The following DYNC1LI1 variants were observed in gnomAD, a reference collection of about 807,000 sequenced individuals.
DYNC1LI1 encodes cytoplasmic dynein 1 light intermediate chain 1.
A neutral mutation model predicts 63.8 loss-of-function variants in DYNC1LI1; 19 were observed. That is an observed-to-expected ratio of 0.30 (90% confidence interval 0.21 to 0.44). The LOEUF is 0.44. Among genes scored for constraint, DYNC1LI1 ranks in the 20% least tolerant of loss-of-function variants. The pLI is 1.00. For missense variants in DYNC1LI1, 565 were observed against 630.2 expected, an observed-to-expected ratio of 0.90 and a Z score of 1.11; for synonymous variants, 225 against 232.3, an observed-to-expected ratio of 0.97 and a Z score of 0.28.
chr3:32,545,298 C>A (rs1367424296), intron 3 of DYNC1LI1, 192 bp from the exon 4 acceptor site: 1 of 590,736 alleles, frequency 1.7e-6, no homozygotes, highest in African/African-American at 1.9e-5. Flanking sequence ...TAAAGTTCAA[C>A]TGTTTAGGCC....
chr3:32,540,793 A>C (rs2125435645), intron 5 of DYNC1LI1, among the ~76,000 whole-genome samples: 1 of 152,322 alleles, frequency 6.6e-6, no homozygotes, highest in East Asian at 1.9e-4. Flanking sequence ...AATGAAGTTC[A>C]ATTGGAATTA....
chr3:32,544,327 C>T lies in DYNC1LI1; in HGVS notation c.568+549G>A, dbSNP rs903765927. ...CAGCTGAAGAAAGATTCAATCTTTT[C>T]ACCCTGCAAAGCTACTTTCCAAAAT... On this transcript the variant is annotated intron_variant, in intron 4 of 12. Coordinates refer to ENST00000273130, the MANE Select transcript of DYNC1LI1 (RefSeq NM_016141.4). Among the ~76,000 whole-genome samples the T allele has an allele frequency of 3.3e-5, 5 of 152,282 alleles. No individual in the cohort carries two copies. The South Asian group carries it at 8.3e-4, about 25-fold the overall frequency.
chr3:32,538,477 G>T (rs1697831614), intron 5 of DYNC1LI1, among the ~76,000 whole-genome samples: 1 of 152,146 alleles, frequency 6.6e-6, no homozygotes, highest in African/African-American at 2.4e-5. Flanking sequence ...GAGGTGGGCA[G>T]ATCACGAGGT....
intron 2 of DYNC1LI1, among the ~76,000 whole-genome samples, chr3:32,563,092 G>A (rs906813083): frequency 7.9e-5 from 12 of 151,940 alleles, no homozygotes; most frequent in African/African-American, 2.7e-4. Flanking sequence ...TAAGCTCCTG[G>A]AGGGCAGGAG....
intron 2 of DYNC1LI1, among the ~76,000 whole-genome samples, chr3:32,546,266 G>C (rs1465353945): frequency 2.0e-5 from 3 of 152,146 alleles, no homozygotes; most frequent in African/African-American, 7.2e-5. Flanking sequence ...AAATTAGTCA[G>C]GCGTGGTGGT....
intron 2 of DYNC1LI1, among the ~76,000 whole-genome samples, chr3:32,558,423 AAAG>A (rs1698145590): frequency 6.6e-6 from 1 of 150,782 alleles, no homozygotes; most frequent in African/African-American, 2.4e-5. Context: ...AAAAAAAAAA[AAAG>A]AAAAGAAAAA....
intron 2 of DYNC1LI1, among the ~76,000 whole-genome samples, chr3:32,561,900 C>A (rs1698200229): frequency 6.7e-6 from 1 of 149,348 alleles, no homozygotes; most frequent in African/African-American, 2.5e-5. Flanking sequence ...TGGTACATGA[C>A]ATTAAAAAAA....
At chr3:32,537,890 TTA>T (rs1161170075) in intron 5 of DYNC1LI1, among the ~76,000 whole-genome samples, 1 of 83,346 alleles carries the variant, frequency 1.2e-5, no homozygotes, top group Admixed American at 2.0e-4. Context: ...TATATATAAT[TTA>T]TATATATAAT....
rs59037467 is a variant in DYNC1LI1, at chr3:32,561,002, CAAAAAA to C, written c.220+9338_220+9343del. Among the ~76,000 whole-genome samples the C allele has an allele frequency of 3.4e-4, 9 of 26,120 alleles. No homozygotes were observed. The South Asian group carries it at 4.1e-3, about 12-fold the overall frequency. The allele number at this position is 26,120 out of a possible 152,430, so 17.1% of individuals were successfully genotyped here. A position where few individuals can be genotyped will look rare whatever the true frequency, so the allele number is the denominator to read the frequency against. ...GGGCAACAAGAGCAAAACTCCGTCTCAAAAAAAAAAAAAAAAAAAAAAAAAAAAAAA... is the reference window on the plus strand; with the variant it reads ...GGGCAACAAGAGCAAAACTCCGTCTCAAAAAAAAAAAAAAAAAAAAAAAAA... On this transcript the variant is annotated intron_variant, in intron 2 of 12. Coordinates refer to ENST00000273130, the MANE Select transcript of DYNC1LI1 (RefSeq NM_016141.4).
rs183374920 is a variant in DYNC1LI1, at chr3:32,554,470, C to T, written c.221-8505G>A. On this transcript the variant is annotated intron_variant, in intron 2 of 12. Transcript: ENST00000273130. ...AAATGGTCACACTGAGAATAAATAA[C>T]ATTTCATAAACACAGCATTTTGGGG... Among the ~76,000 whole-genome samples, 5 of 152,270 alleles carry T rather than the reference C, an allele frequency of 3.3e-5. No homozygotes were observed. In the East Asian group the frequency reaches 5.8e-4, roughly 18 times the overall value.
At chr3:32,570,312 C>T in intron 2 of DYNC1LI1, 34 bp downstream of exon 2, 2 of 1,517,228 alleles carry the variant, frequency 1.3e-6, no homozygotes, top group Non-Finnish European at 1.8e-6. Flanking sequence ...CCGCTGGGGG[C>T]CGGGCGGGGC....
At chr3:32,530,965 A>T (rs1041138328) in intron 8 of DYNC1LI1, 1 of 154,330 alleles carries the variant, frequency 6.5e-6, no homozygotes, top group Non-Finnish European at 1.4e-5. Context: ...GTAATATCCT[A>T]GTTAAGTGAA....
intron 2 of DYNC1LI1, among the ~76,000 whole-genome samples, chr3:32,559,082 G>C (rs1405093947): frequency 6.8e-6 from 1 of 147,512 alleles, no homozygotes; most frequent in Non-Finnish European, 1.5e-5. Context: ...TTTAAAGACA[G>C]AGTCTATGGT....
At chr3:32,545,767 A>C (rs756604459) in intron 3 of DYNC1LI1, 82 bp downstream of exon 3, 67 of 934,282 alleles carry the variant, frequency 7.2e-5, no homozygotes, top group Admixed American at 9.9e-5. Context: ...AAAATTACAC[A>C]CTAAAAAAAA....
chr3:32,526,719 T>C lies in DYNC1LI1; in HGVS notation c.*80A>G. On this transcript the variant is annotated 3_prime_UTR_variant, in exon 13 of 13. Transcript: ENST00000273130. ...CATCTGAAGAAGCACTCCAGCTTTC[T>C]AATTCCACTTTTGAAGGAAAAGGCA... is the stretch of plus-strand genomic sequence containing the variant. 1 of 1,084,904 alleles carries C rather than the reference T, an allele frequency of 9.2e-7. No homozygotes were observed. Among genetic ancestry groups the C allele is most frequent in the South Asian group, 1.3e-5 (1 of 75,344 alleles). 67.2% of individuals were successfully genotyped at this position (1,084,904 alleles called of 1,614,324 possible).
chr3:32,559,008 T>C (rs1019296943), intron 2 of DYNC1LI1, among the ~76,000 whole-genome samples: 1 of 151,982 alleles, frequency 6.6e-6, no homozygotes, highest in African/African-American at 2.4e-5. Context: ...TCAGACCATC[T>C]CTATAGTGAT....
chr3:32,534,966 G>A (rs1697755313), intron 6 of DYNC1LI1, among the ~76,000 whole-genome samples: 1 of 152,156 alleles, frequency 6.6e-6, no homozygotes. Flanking sequence ...CAATTTTTAT[G>A]TTTTAACTTT....
chr3:32,556,880 A>G (rs926880703), intron 2 of DYNC1LI1, among the ~76,000 whole-genome samples: 2 of 152,144 alleles, frequency 1.3e-5, no homozygotes, highest in East Asian at 3.8e-4. Flanking sequence ...TATTTTCATA[A>G]TATACTTCAT....
At chr3:32,533,208 G>A in intron 7 of DYNC1LI1, 111 bp from the exon 8 acceptor site, 3 of 1,382,998 alleles carry the variant, frequency 2.2e-6, no homozygotes, top group East Asian at 5.9e-5. Flanking sequence ...GAACAATTAT[G>A]GAAAACGAAT....
Sources: gnomAD v4.1 joint callset for allele counts (sites outside exome capture counted in the v4.1 genomes callset) on GRCh38, gnomAD v4.1.1 for gene constraint, MANE v1.5 for transcripts, NCBI Gene and HGNC (gene_info 2026-07-23, HGNC 2026-07-21) for gene names.